PLD5: variants seen among roughly 807,000 people sequenced by gnomAD.
The protein encoded by PLD5 is inactive phospholipase D5.
PLD5 carries 36 observed loss-of-function variants against 61.1 expected under a neutral mutation model. The observed-to-expected ratio is 0.59, with a 90% confidence interval of 0.45 to 0.78. PLD5 has a LOEUF of 0.78. PLD5 is among the 30% of genes least tolerant of loss of function. The pLI is 0.00. For missense variants in PLD5, 515 were observed against 644.4 expected (o/e 0.80, Z 2.17); for synonymous variants, 243 against 242.8 (o/e 1.00, Z -0.01).
At chr1:242,093,458 C>T (rs1243381854) in intron 9 of PLD5, among the ~76,000 whole-genome samples, 1 of 152,200 alleles carries the variant, frequency 6.6e-6, no homozygotes, top group Non-Finnish European at 1.5e-5. Context: ...CATCTCATTA[C>T]ATTATTTCTT....
At chr1:242,194,913 A>G (rs1376288356) in intron 5 of PLD5, among the ~76,000 whole-genome samples, 4 of 152,102 alleles carry the variant, frequency 2.6e-5, no homozygotes, top group Middle Eastern at 3.2e-3. Flanking sequence ...AGAGACTACA[A>G]ATTGGGTTCA....
At chr1:242,203,571 A>C (rs1054822375) in intron 5 of PLD5, 2 of 152,206 alleles carry the variant, frequency 1.3e-5, no homozygotes, top group African/African-American at 4.8e-5. Context: ...CTGAGTTTTC[A>C]GTTCATGCGA....
intron 1 of PLD5, among the ~76,000 whole-genome samples, chr1:242,412,771 T>A (rs1330092590): frequency 6.6e-6 from 1 of 152,242 alleles, no homozygotes; most frequent in Admixed American, 6.5e-5. Context: ...AAAGGTGCTA[T>A]TATCATTTGT....
At chr1:242,228,668 G>A (rs927336811) in intron 4 of PLD5, among the ~76,000 whole-genome samples, 10 of 151,682 alleles carry the variant, frequency 6.6e-5, no homozygotes, top group Non-Finnish European at 1.5e-4. Context: ...GAAGGAGGGA[G>A]AGGGAGAGAG....
intron 5 of PLD5, among the ~76,000 whole-genome samples, chr1:242,144,410 A>C (rs1303630930): frequency 1.2e-4 from 18 of 152,200 alleles, no homozygotes; most frequent in Non-Finnish European, 2.5e-4. Context: ...AGTGTGGAAG[A>C]GATAATGAAG....
At chr1:242,117,188 C>G (rs1004307557) in intron 6 of PLD5, among the ~76,000 whole-genome samples, 5 of 152,142 alleles carry the variant, frequency 3.3e-5, no homozygotes, top group African/African-American at 1.2e-4. Flanking sequence ...TCTCTGCCTC[C>G]TTCATTTGCC....
chr1:242,272,518 A>G (rs185948022), intron 3 of PLD5, among the ~76,000 whole-genome samples: 37 of 152,338 alleles, frequency 2.4e-4, no homozygotes, highest in Non-Finnish European at 4.1e-4. Context: ...AACAAAAGTT[A>G]TAATGAGATA....
chr1:242,112,339 G>GTGTGTATATATATATATATATATATATA lies in PLD5; in HGVS notation c.1070+1550_1070+1551insTATATATATATATATATATATATACACA, dbSNP rs1370325825. Among the ~76,000 whole-genome samples the GTGTGTATATATATATATATATATATATA allele has an allele frequency of 4.5e-3, 646 of 143,368 alleles. 9 individuals are homozygous for GTGTGTATATATATATATATATATATATA. The highest frequency in any genetic ancestry group is 0.015 in the Middle Eastern group (4 of 274). The allele number at this position is 143,368 out of a possible 152,430, so 94.1% of individuals were successfully genotyped here. On this transcript the variant is annotated intron_variant, in intron 7 of 9. Coordinates refer to ENST00000536534, the MANE Select transcript of PLD5 (RefSeq NM_001372062.1). Reference sequence around the variant, plus strand: ...TGTGTGTGTGTATGTATGTATATGTGTATATATATATATAGATGGAGTCTC... The same window carrying GTGTGTATATATATATATATATATATATA: ...TGTGTGTGTGTATGTATGTATATGTGTGTGTATATATATATATATATATATATATATATATATATATAGATGGAGTCTC...
intron 4 of PLD5, among the ~76,000 whole-genome samples, chr1:242,225,570 C>T (rs1670888790): frequency 6.6e-6 from 1 of 151,196 alleles, no homozygotes; most frequent in Non-Finnish European, 1.5e-5. Flanking sequence ...ATGCACCACA[C>T]ATAACGCATG....
At position 242,107,642 on chromosome 1, in the gene PLD5, T is replaced by C. The variant is rs190423894; in HGVS notation, c.1239+29A>G. 2.0e-5 allele frequency: 30 copies of C among 1,537,440 alleles called. No homozygotes were observed. In the East Asian group the frequency reaches 6.6e-4, roughly 34 times the overall value. ...ACATGCAGAGGGCATTCACTTTTTA[T>C]TTAATAACACAGTCAACGTAATACT... On this transcript the variant is annotated intron_variant, in intron 8 of 9. Transcript: ENST00000536534.
At position 242,524,632 on chromosome 1, in the gene PLD5, C is replaced by A. The variant is rs1669393198; in HGVS notation, c.-356G>T. The A allele has an allele frequency of 5.6e-6, 1 of 177,712 alleles. No individual in the cohort carries two copies. The highest frequency in any genetic ancestry group is 1.2e-5 in the Non-Finnish European group (1 of 85,410). The allele number at this position is 177,712 out of a possible 1,614,324, so 11.0% of individuals were successfully genotyped here. A position where few individuals can be genotyped will look rare whatever the true frequency, so the allele number is the denominator to read the frequency against. ...GAGACAGAAGTGCCCGGTGCGGCGG[C>A]GACGTCGCCCGGCGGCTGCGGTCCC... is the stretch of plus-strand genomic sequence containing the variant. On this transcript the variant is annotated 5_prime_UTR_variant, in exon 1 of 10. Transcript: ENST00000536534.
chr1:242,282,559 T>C (rs2149129192), intron 3 of PLD5, among the ~76,000 whole-genome samples: 1 of 152,350 alleles, frequency 6.6e-6, no homozygotes, highest in Non-Finnish European at 1.5e-5. Context: ...CACAGCTCAC[T>C]GGTAGACCAG....
chr1:242,524,834 G>C (rs1180044098), upstream of PLD5: 4 of 151,062 alleles, frequency 2.6e-5, no homozygotes, highest in Non-Finnish European at 4.4e-5. Context: ...GCCGCGCCCA[G>C]GCCCGGGCGG....
intron 7 of PLD5, among the ~76,000 whole-genome samples, chr1:242,110,641 C>T (rs947407526): frequency 1.3e-5 from 2 of 152,128 alleles, no homozygotes; most frequent in Admixed American, 1.3e-4. Context: ...GAAACCCCAT[C>T]TCTACTAAAA....
rs74999845 is a variant in PLD5, at chr1:242,222,982, A to G, written c.608-2867T>C. Among the ~76,000 whole-genome samples the G allele has an allele frequency of 4.6e-5, 7 of 152,346 alleles. No individual in the cohort carries two copies. The East Asian group carries it at 1.3e-3, about 29-fold the overall frequency. On this transcript the variant is annotated intron_variant, in intron 4 of 9. Coordinates refer to ENST00000536534, the MANE Select transcript of PLD5 (RefSeq NM_001372062.1). The stretch of plus-strand genomic sequence containing the variant: ...GACTGATTCAAATTCAGGCATACTA[A>G]AATACTGTCTTAGTCCATTTGGGCT...
At chr1:242,229,496 A>G (rs974726992) in intron 4 of PLD5, among the ~76,000 whole-genome samples, 1 of 152,246 alleles carries the variant, frequency 6.6e-6, no homozygotes, top group Non-Finnish European at 1.5e-5. Flanking sequence ...ATACAGATAC[A>G]TATATGCATA....
chr1:242,457,976 C>A (rs1666995145), intron 1 of PLD5, among the ~76,000 whole-genome samples: 1 of 152,154 alleles, frequency 6.6e-6, no homozygotes, highest in African/African-American at 2.4e-5. Flanking sequence ...AGAAGGAACC[C>A]CTTTCAATAT....
At chr1:242,112,330 T>A (rs71535380) in intron 7 of PLD5, among the ~76,000 whole-genome samples, 10,081 of 59,940 alleles carry the variant, frequency 0.17, 487 homozygotes, top group South Asian at 0.38. Context: ...TGTGTATGTA[T>A]GTATATGTGT....
chr1:242,443,449 G>A (rs1168398968), intron 1 of PLD5, among the ~76,000 whole-genome samples: 6 of 152,044 alleles, frequency 3.9e-5, no homozygotes, highest in Non-Finnish European at 8.8e-5. Context: ...AGGGAGTCTG[G>A]GCACTTCATA....
Sources: allele counts gnomAD v4.1 joint callset (sites outside exome capture counted in the v4.1 genomes callset), GRCh38; gene constraint gnomAD v4.1.1; transcripts MANE v1.5; gene names NCBI Gene and HGNC (gene_info 2026-07-23, HGNC 2026-07-21).